NCOA3: variants seen among roughly 807,000 people sequenced by gnomAD.
NCOA3 encodes nuclear receptor coactivator 3.
Under a neutral mutation model 158.8 loss-of-function variants are expected in NCOA3, and 51 were observed. The ratio of observed to expected loss-of-function variants is 0.32; its 90% confidence interval spans 0.26 to 0.41. NCOA3 has a LOEUF of 0.41. Among genes scored for constraint, NCOA3 ranks in the 10% least tolerant of loss-of-function variants. The probability of loss-of-function intolerance (pLI) is 1.00; values close to 1 mark genes in which losing one functional copy is unlikely to be tolerated. For synonymous variants in NCOA3, 537 were observed against 592.4 expected, an observed-to-expected ratio of 0.91 and a Z score of 1.36; for missense variants, 1,510 against 1,746.6, an observed-to-expected ratio of 0.86 and a Z score of 2.41.
At chr20:47,634,248 A>C in intron 10 of NCOA3, 53 bp downstream of exon 10, 1 of 1,529,528 alleles carries the variant, frequency 6.5e-7, no homozygotes, top group South Asian at 1.2e-5. Context: ...TGTTCTCAAA[A>C]TGCTTTATTA....
At chr20:47,634,945 CAG>C (rs2086486528) in intron 10 of NCOA3, among the ~76,000 whole-genome samples, 1 of 113,122 alleles carries the variant, frequency 8.8e-6, no homozygotes, top group South Asian at 3.1e-4. Flanking sequence ...TTTTTTTAAA[CAG>C]AGACAGAGTC....
At chr20:47,589,919 A>G (rs1382211166) in intron 2 of NCOA3, among the ~76,000 whole-genome samples, 1 of 137,486 alleles carries the variant, frequency 7.3e-6, no homozygotes, top group Non-Finnish European at 1.7e-5. Context: ...TGTATAATGT[A>G]AAATCTTTGT....
intron 1 of NCOA3, among the ~76,000 whole-genome samples, chr20:47,512,569 T>TA (rs762228515): frequency 0.09 from 7,578 of 84,520 alleles, 337 homozygotes; most frequent in Middle Eastern, 0.21. Flanking sequence ...TCTGTCTCAC[T>TA]AAAAAAAAAA....
intron 1 of NCOA3, among the ~76,000 whole-genome samples, chr20:47,547,224 T>C (rs554313570): frequency 6.6e-6 from 1 of 152,222 alleles, no homozygotes; most frequent in Admixed American, 6.5e-5. Context: ...ATCATTCATT[T>C]GTCGAGTGAA....
At chr20:47,604,370 G>A (rs1353957999) in intron 2 of NCOA3, among the ~76,000 whole-genome samples, 1 of 152,154 alleles carries the variant, frequency 6.6e-6, no homozygotes. Context: ...CTTCATTTAA[G>A]TTGGATTCGT....
intron 1 of NCOA3, among the ~76,000 whole-genome samples, chr20:47,530,671 G>A (rs541725596): frequency 9.1e-4 from 139 of 152,090 alleles, no homozygotes; most frequent in Non-Finnish European, 1.8e-3. Flanking sequence ...CACCATGTTG[G>A]TCAGGCTGGT....
Position 47,653,042 on chromosome 20 carries a change from C to T in NCOA3, c.4233C>T (p.Pro1411=), listed in dbSNP as rs150712337. 3.1e-6 allele frequency: 5 copies of T among 1,614,056 alleles called. No individual in the cohort carries two copies. The highest frequency in any genetic ancestry group is 4.2e-6 in the Non-Finnish European group (5 of 1,180,006). Residue 1411 remains proline (P), a synonymous_variant, in exon 22 of 23, where the codon CCC becomes CCT. Coordinates refer to ENST00000371998, the MANE Select transcript of NCOA3 (RefSeq NM_181659.3). ...HMGQMNMNPM[P]MSGMPMGPDQ... is the part of the protein sequence containing the mutation. ...GACAGATGAACATGAACCCCATGCC[C>T]ATGTCTGGCATGCCTATGGGTCCTG...
At position 47,635,629 on chromosome 20, in the gene NCOA3, G is replaced by T; in HGVS notation, c.1420G>T (p.Ala474Ser). 1.2e-6 allele frequency: 2 copies of T among 1,614,184 alleles called. No homozygotes were observed. The highest frequency in any genetic ancestry group is 1.7e-6 in the Non-Finnish European group (2 of 1,180,034). The part of the protein sequence containing the change: ...SSPPHGSPGL[A>S]PNQQNIMISP... ...CCCCCCACATGGGAGTCCTGGTCTTGCCCCAAACCAGCAGAATATCATGAT... is the reference window on the plus strand; with the variant it reads ...CCCCCCACATGGGAGTCCTGGTCTTTCCCCAAACCAGCAGAATATCATGAT... The change falls in exon 11 of 23, where the codon GCC (alanine) becomes TCC (serine). Residue 474 changes from alanine to serine, a missense_variant. Physicochemically the swap from Ala to Ser is moderately conservative, Grantham distance 99. Around this residue, in one of 4 missense-constraint regions of NCOA3, gnomAD observed 1,017 missense variants for 1,098.3 expected, o/e 0.93. Coordinates refer to ENST00000371998, the MANE Select transcript of NCOA3 (RefSeq NM_181659.3).
rs1471175945 is a variant in NCOA3, at chr20:47,522,568, A to G, written c.-99+20549A>G. On this transcript the variant is annotated intron_variant, in intron 1 of 22. Coordinates refer to ENST00000371998, the MANE Select transcript of NCOA3 (RefSeq NM_181659.3). ...ACAGATACCAGCCAGGTATATATGC[A>G]GCGGCTGGAGGAGGCAGTGTTTGAT... 2.6e-5 allele frequency among the ~76,000 whole-genome samples: 4 copies of G among 152,220 alleles called. No individual in the cohort carries two copies. The East Asian group carries it at 7.7e-4, about 29-fold the overall frequency.
intron 2 of NCOA3, among the ~76,000 whole-genome samples, chr20:47,621,219 T>C (rs1035861318): frequency 6.6e-6 from 1 of 152,096 alleles, no homozygotes; most frequent in Non-Finnish European, 1.5e-5. Flanking sequence ...TATATTATGA[T>C]CATGTGATTT....
At chr20:47,574,641 T>G (rs2085344526) in intron 1 of NCOA3, among the ~76,000 whole-genome samples, 1 of 152,216 alleles carries the variant, frequency 6.6e-6, no homozygotes, top group Admixed American at 6.5e-5. Context: ...TGTTTTAAGT[T>G]TCTACCTTAA....
intron 1 of NCOA3, among the ~76,000 whole-genome samples, chr20:47,525,654 A>G (rs1206881): frequency 2.3e-3 from 39 of 17,006 alleles, no homozygotes; most frequent in African/African-American, 3.0e-3. Flanking sequence ...GGCTGGCCGG[A>G]CGGGGGGGCT....
intron 1 of NCOA3, among the ~76,000 whole-genome samples, chr20:47,581,573 A>G (rs988666365): frequency 1.3e-5 from 2 of 152,172 alleles, no homozygotes; most frequent in Non-Finnish European, 2.9e-5. Flanking sequence ...CCTTTCCCCC[A>G]TACCAACAGA....
At chr20:47,533,104 CAAAAAAAAAAAAAAA>C (rs11344209) in intron 1 of NCOA3, among the ~76,000 whole-genome samples, 2 of 39,716 alleles carry the variant, frequency 5.0e-5, no homozygotes, top group Non-Finnish European at 8.6e-5. Flanking sequence ...GACTCTGTCT[CAAAAAAAAAAAAAAA>C]AAAAAAAAAA....
intron 1 of NCOA3, among the ~76,000 whole-genome samples, chr20:47,568,597 C>T (rs528675177): frequency 2.0e-5 from 3 of 152,126 alleles, no homozygotes; most frequent in East Asian, 1.9e-4. Flanking sequence ...ATGAGACCAG[C>T]GTGGGCAACA....
At chr20:47,547,669 C>T (rs558805230) in intron 1 of NCOA3, among the ~76,000 whole-genome samples, 5 of 151,942 alleles carry the variant, frequency 3.3e-5, no homozygotes, top group South Asian at 2.1e-4. Flanking sequence ...CCACCCGCCT[C>T]GGCCTCCCAA....
intron 2 of NCOA3, among the ~76,000 whole-genome samples, chr20:47,598,436 C>T (rs938628085): frequency 1.2e-4 from 18 of 151,800 alleles, no homozygotes; most frequent in Admixed American, 8.5e-4. Flanking sequence ...CCTGGGTTCA[C>T]GCGGTTCTCC....
chr20:47,600,625 C>T (rs2085845475), intron 2 of NCOA3, among the ~76,000 whole-genome samples: 1 of 151,132 alleles, frequency 6.6e-6, no homozygotes, highest in African/African-American at 2.4e-5. Context: ...CTCAGTCCTG[C>T]CACCTAAGCC....
In NCOA3 at chr20:47,635,735, T is replaced by G. The variant is rs548071368; in HGVS notation, c.1504+22T>G. On this transcript the variant is annotated intron_variant, in intron 11 of 22. Coordinates refer to ENST00000371998, the MANE Select transcript of NCOA3 (RefSeq NM_181659.3). ...GCAGGTATTTGTGTTGACATTTCCT[T>G]TTATTTTTTTTCTTTTTAAGTAATT... The G allele has an allele frequency of 7.6e-6, 12 of 1,578,120 alleles. No homozygotes were observed. In the East Asian group the frequency reaches 2.5e-4, roughly 32 times the overall value.
Sources: allele counts gnomAD v4.1 joint callset (sites outside exome capture counted in the v4.1 genomes callset), GRCh38; gene constraint gnomAD v4.1.1; regional missense constraint gnomAD v4.1.1; transcripts MANE v1.5; gene names NCBI Gene and HGNC (gene_info 2026-07-23, HGNC 2026-07-21).